The following SH3TC2 variants were observed in gnomAD, a reference collection of about 807,000 sequenced individuals.
SH3TC2 encodes the protein SH3 domain and tetratricopeptide repeat-containing protein 2.
In SH3TC2, 87 loss-of-function variants were observed where a neutral mutation model predicts 124.5. The observed-to-expected ratio is 0.70, with a 90% CI of 0.59 to 0.84. SH3TC2 has a LOEUF of 0.84. SH3TC2 is among the 40% of genes least tolerant of loss of function. The pLI is 0.00. For missense variants in SH3TC2, 1,536 were observed against 1,566.4 expected (o/e 0.98, Z 0.33); for synonymous variants, 634 against 628.5 (o/e 1.01, Z -0.13).
At chr5:149,007,616 G>C (rs1753712504) in intron 15 of SH3TC2, 1 of 200,816 alleles carries the variant, frequency 5.0e-6, no homozygotes, top group Admixed American at 5.3e-5. Flanking sequence ...TTTACCTACT[G>C]TCAGTCTCAG....
chr5:149,044,314 C>T, intron 4 of SH3TC2: 1 of 501,582 alleles, frequency 2.0e-6, no homozygotes, highest in South Asian at 2.1e-5. Context: ...TCCCTGGACA[C>T]AAAAAAGCAA....
At chr5:149,007,239 T>A (rs921783900) in intron 15 of SH3TC2, 162 bp from the exon 16 acceptor site, 8 of 701,526 alleles carry the variant, frequency 1.1e-5, no homozygotes, top group Non-Finnish European at 1.8e-5. Context: ...ATAAAGCTTA[T>A]TGTCTCACAT....
rs1195107862 is a variant in SH3TC2 at position 148,989,179 on chromosome 5, C to A, written c.*15532G>T. On this transcript the variant is annotated 3_prime_UTR_variant, in exon 17 of 17. Coordinates refer to ENST00000515425, the MANE Select transcript of SH3TC2 (RefSeq NM_024577.4). ...TTTTTGAGTCTTTTTTCCAAGATTA[C>A]AGGCTCAAGTCATGGGTTTTAAAAA... Among the ~76,000 whole-genome samples, 2 of 152,166 alleles carry A rather than the reference C, an allele frequency of 1.3e-5. No homozygotes were observed. The highest frequency in any genetic ancestry group is 2.4e-5 in the African/African-American group (1 of 41,448).
rs1313877526 is a variant in SH3TC2, at chr5:148,991,032, G to T, written c.*13679C>A. Among the ~76,000 whole-genome samples, 1 of 152,134 alleles carries T rather than the reference G, an allele frequency of 6.6e-6. No homozygotes were observed. Among genetic ancestry groups the T allele is most frequent in the Non-Finnish European group, 1.5e-5 (1 of 68,036 alleles). ...CTTCATTTCCCAAAACCCAGAATTAGATCACTTGTTGAACATCTGTTGACA... is the reference window on the plus strand; with the variant it reads ...CTTCATTTCCCAAAACCCAGAATTATATCACTTGTTGAACATCTGTTGACA... On this transcript the variant is annotated 3_prime_UTR_variant, in exon 17 of 17. Coordinates refer to ENST00000515425, the MANE Select transcript of SH3TC2 (RefSeq NM_024577.4).
chr5:149,034,980 A>C (rs996058896), intron 8 of SH3TC2, among the ~76,000 whole-genome samples: 4 of 152,212 alleles, frequency 2.6e-5, no homozygotes, highest in Non-Finnish European at 5.9e-5. Context: ...GCCAAGACTC[A>C]GGACTGAGAG....
At position 149,028,548 on chromosome 5, in the gene SH3TC2, T is replaced by G. The variant is rs1754124855; in HGVS notation, c.1184A>C (p.Gln395Pro). 2.5e-6 allele frequency: 4 copies of G among 1,614,138 alleles called. No individual in the cohort carries two copies. Among genetic ancestry groups the G allele is most frequent in the Non-Finnish European group, 3.4e-6 (4 of 1,180,018 alleles). ...QNPPNDLSASQPEGFKEVRPG... is the reference protein window; with the variant it reads ...QNPPNDLSASPPEGFKEVRPG... ...CCTGACCTCCTTGAAACCTTCAGGC[T>G]GGGATGCTGTAAGGACAGGCAAAGT... Residue 395 changes from glutamine to proline, a missense_variant, in exon 11 of 17, where the codon CAG (glutamine) becomes CCG (proline). By Grantham distance (76) the Gln-to-Pro change is moderately conservative (BLOSUM62 -1). Transcript: ENST00000515425.
In SH3TC2 at chr5:149,038,397, A is replaced by G; in HGVS notation, c.899T>C (p.Phe300Ser). 1 of 1,614,192 alleles carries G rather than the reference A, an allele frequency of 6.2e-7. No homozygotes were observed. The highest frequency in any genetic ancestry group is 8.5e-7 in the Non-Finnish European group (1 of 1,180,028). ...GAACCACTGAAGCCCAGGTATGACA[A>G]AGCCGATGATCTCAATGCTTTCTCC... ...YQGESIEIIG[F>S]VIPGLQWFIG... is the part of the protein sequence containing the mutation. Residue 300 changes from phenylalanine to serine, a missense_variant, in exon 8 of 17, where the codon TTT becomes TCT. By Grantham distance (155) the Phe-to-Ser change is radical. Coordinates refer to ENST00000515425, the MANE Select transcript of SH3TC2 (RefSeq NM_024577.4).
chr5:149,005,557 A>G (rs1261139046), intron 16 of SH3TC2, among the ~76,000 whole-genome samples: 1 of 152,186 alleles, frequency 6.6e-6, no homozygotes, highest in Non-Finnish European at 1.5e-5. Context: ...TGATCAGATC[A>G]CACACTTTGT....
intron 14 of SH3TC2, 35 bp downstream of exon 14, chr5:149,010,235 G>A: frequency 6.2e-7 from 1 of 1,613,918 alleles, no homozygotes. Flanking sequence ...CCCGTGCCAG[G>A]ACCTGTCTCA....
Position 149,027,392 on chromosome 5 carries a change from C to G in SH3TC2, c.2340G>C (p.Leu780=), listed in dbSNP as rs977191139. 1 of 1,614,028 alleles carries G rather than the reference C, an allele frequency of 6.2e-7. No individual in the cohort carries two copies. Among genetic ancestry groups the G allele is most frequent in the African/African-American group, 1.3e-5 (1 of 74,944 alleles). Reference sequence around the variant, plus strand: ...GCTGCCCTAGCACCAAGGCCTGGCTCAGGTAGTGGATGGCACCGTCAGGAG... The same window carrying G: ...GCTGCCCTAGCACCAAGGCCTGGCTGAGGTAGTGGATGGCACCGTCAGGAG... ...HRSPDGAIHY[L]SQALVLGQLL... is the part of the protein sequence containing the mutation. Residue 780 remains leucine, a synonymous_variant, in exon 11 of 17, where the codon CTG becomes CTC. Coordinates refer to ENST00000515425, the MANE Select transcript of SH3TC2 (RefSeq NM_024577.4).
intron 1 of SH3TC2, among the ~76,000 whole-genome samples, chr5:149,058,932 G>C (rs1191305568): frequency 6.6e-6 from 1 of 152,160 alleles, no homozygotes; most frequent in Non-Finnish European, 1.5e-5. Context: ...ACAATAGGCA[G>C]AGAGACCAGC....
In SH3TC2 at chr5:149,000,150, T is replaced by G. The variant is rs924871858; in HGVS notation, c.*4561A>C. Among the ~76,000 whole-genome samples, 1 of 152,230 alleles carries G rather than the reference T, an allele frequency of 6.6e-6. No homozygotes were observed. The highest frequency in any genetic ancestry group is 1.5e-5 in the Non-Finnish European group (1 of 68,032). ...CTGTAACTAACACCAATCACAATGC[T>G]TCTGATACTGAATCATATTACATAA... On this transcript the variant is annotated 3_prime_UTR_variant, in exon 17 of 17. Coordinates refer to ENST00000515425, the MANE Select transcript of SH3TC2 (RefSeq NM_024577.4).
chr5:149,029,610 G>A (rs1754147946), intron 9 of SH3TC2, among the ~76,000 whole-genome samples: 2 of 152,000 alleles, frequency 1.3e-5, no homozygotes, highest in Admixed American at 6.6e-5. Flanking sequence ...TAATAAGCCT[G>A]GGCAACTCAC....
At chr5:149,030,961 G>T (rs748364550) in intron 9 of SH3TC2, among the ~76,000 whole-genome samples, 2 of 152,234 alleles carry the variant, frequency 1.3e-5, no homozygotes, top group Non-Finnish European at 2.9e-5. Flanking sequence ...CAGTCAGTTT[G>T]TCAGAGGAAT....
At chr5:149,042,666 C>T (rs779882730) in intron 5 of SH3TC2, 28 bp downstream of exon 5, 3 of 1,613,588 alleles carry the variant, frequency 1.9e-6, no homozygotes, top group Admixed American at 1.7e-5. Flanking sequence ...TGAATAAGAT[C>T]CCATCTCTAC....
chr5:149,022,933 GC>G (rs1754001377), intron 12 of SH3TC2, among the ~76,000 whole-genome samples: 1 of 152,164 alleles, frequency 6.6e-6, no homozygotes, highest in Admixed American at 6.5e-5. Flanking sequence ...TCTTTCAGGG[GC>G]CATGAAAATG....
In SH3TC2 at chr5:148,999,221, C is replaced by T. The variant is rs1432795; in HGVS notation, c.*5490G>A. Among the ~76,000 whole-genome samples the T allele has an allele frequency of 0.52, 79,380 of 152,120 alleles. 22,013 individuals carry two copies. The highest frequency in any genetic ancestry group is 0.72 in the African/African-American group (29,707 of 41,520). On this transcript the variant is annotated 3_prime_UTR_variant, in exon 17 of 17. Coordinates refer to ENST00000515425, the MANE Select transcript of SH3TC2 (RefSeq NM_024577.4). ...GGACCAGGGTGCCTGGCCACACCTC[C>T]AGGTTTGGCTGCACTTCTCAATGTC...
At position 149,040,607 on chromosome 5, in the gene SH3TC2, T is replaced by C; in HGVS notation, c.802A>G (p.Ile268Val). 1 of 1,613,802 alleles carries C rather than the reference T, an allele frequency of 6.2e-7. No individual in the cohort carries two copies. The highest frequency in any genetic ancestry group is 8.5e-7 in the Non-Finnish European group (1 of 1,179,710). ...TATGTTTTTGACTCAGCCATACCAA[T>C]CTGATAGGAGCCTGTCCAATCCCTC... is the stretch of plus-strand genomic sequence containing the variant. ...RKRDWTGSYQ[I>V]GRGRCKALTG... Residue 268 changes from isoleucine (I) to valine (V), a missense_variant, in exon 7 of 17, where the codon ATT becomes GTT. By Grantham distance (29) the Ile-to-Val change is conservative. Transcript: ENST00000515425.
chr5:149,047,631 C>A, intron 3 of SH3TC2: 1 of 527,014 alleles, frequency 1.9e-6, no homozygotes, highest in Admixed American at 2.9e-5. Context: ...ATATTTGAAA[C>A]CAAATTTTCT....
Sources: gnomAD v4.1 joint callset for allele counts (sites outside exome capture counted in the v4.1 genomes callset) on GRCh38, gnomAD v4.1.1 for gene constraint, MANE v1.5 for transcripts, NCBI Gene and HGNC (gene_info 2026-07-23, HGNC 2026-07-21) for gene names.